The following PDE3B variants were observed in gnomAD, a reference collection of about 807,000 sequenced individuals.
PDE3B encodes phosphodiesterase 3B, also known as cGMP-inhibited 3',5'-cyclic phosphodiesterase 3B.
A neutral mutation model predicts 116.8 loss-of-function variants in PDE3B; 66 were observed. The ratio of observed to expected loss-of-function variants is 0.56; its 90% confidence interval spans 0.46 to 0.69. The LOEUF (loss-of-function observed/expected upper bound fraction) is 0.69, where lower values mean the gene tolerates loss of function less well. Among genes scored for constraint, PDE3B ranks in the 30% least tolerant of loss-of-function variants. The probability of loss-of-function intolerance (pLI) is 0.00; values close to 1 mark genes in which losing one functional copy is unlikely to be tolerated. For synonymous variants in PDE3B, 595 were observed against 533.6 expected (o/e 1.12, Z -1.59); for missense variants, 1,384 against 1,368.1 (o/e 1.01, Z -0.18).
At chr11:14,705,116 G>A (rs929312704) in intron 1 of PDE3B, among the ~76,000 whole-genome samples, 1 of 151,738 alleles carries the variant, frequency 6.6e-6, no homozygotes, top group Non-Finnish European at 1.5e-5. Flanking sequence ...TTGGAAAATA[G>A]TTTGGCAGTT....
At chr11:14,854,206 C>T (rs1847807184) in intron 12 of PDE3B, among the ~76,000 whole-genome samples, 1 of 152,204 alleles carries the variant, frequency 6.6e-6, no homozygotes, top group South Asian at 2.1e-4. Flanking sequence ...CCTGCTTGCT[C>T]TCCCTGTGCA....
rs142311254 is a variant in PDE3B, at chr11:14,867,628, T to C, written c.3009T>C (p.Tyr1003=). 11 of 1,613,990 alleles carry C rather than the reference T, an allele frequency of 6.8e-6. No individual in the cohort carries two copies. The highest frequency in any genetic ancestry group is 1.1e-5 in the South Asian group (1 of 91,088). The change falls in exon 15 of 16, where the codon TAT becomes TAC. Residue 1003 remains tyrosine (Y), a synonymous_variant. Transcript: ENST00000282096. ...THIVGPLCNS[Y]DAAGLLPGQW... ...TAGTGGGTCCCCTGTGTAACTCCTA[T>C]GATGCTGCTGGTTTGCTACCAGGTC...
At chr11:14,856,840 C>T (rs1188545547) in intron 12 of PDE3B, among the ~76,000 whole-genome samples, 20 of 144,196 alleles carry the variant, frequency 1.4e-4, no homozygotes, top group African/African-American at 5.2e-4. Context: ...GGCAACAGAA[C>T]GAGAGTCCAT....
chr11:14,737,607 T>TA (rs1233390174), intron 1 of PDE3B, among the ~76,000 whole-genome samples: 1 of 152,118 alleles, frequency 6.6e-6, no homozygotes, highest in African/African-American at 2.4e-5. Flanking sequence ...TTGCATAGCC[T>TA]AAAATTAACC....
intron 11 of PDE3B, among the ~76,000 whole-genome samples, 183 bp from the exon 12 acceptor site, chr11:14,843,644 T>A (rs1176170529): frequency 6.6e-6 from 1 of 152,190 alleles, no homozygotes; most frequent in Non-Finnish European, 1.5e-5. Context: ...TTTAACACTG[T>A]TCCTCTCTAC....
At position 14,862,107 on chromosome 11, in the gene PDE3B, G is replaced by C. The variant is rs139376175; in HGVS notation, c.2886+741G>C. Among the ~76,000 whole-genome samples, 921 of 152,284 alleles carry C rather than the reference G, an allele frequency of 6.0e-3. 10 individuals carry two copies. Among genetic ancestry groups the C allele is most frequent in the African/African-American group, 0.021 (870 of 41,572 alleles). Reference sequence around the variant, plus strand: ...GCTTGAGCCCACTCACCCACCTCCTGAGATCTTACCAGGAAGCTGCTGATC... The same window carrying C: ...GCTTGAGCCCACTCACCCACCTCCTCAGATCTTACCAGGAAGCTGCTGATC... On this transcript the variant is annotated intron_variant, in intron 14 of 15. Transcript: ENST00000282096.
chr11:14,803,189 AGGT>A (rs760446132), intron 4 of PDE3B, among the ~76,000 whole-genome samples: 17,447 of 152,196 alleles, frequency 0.11, 1,305 homozygotes, highest in African/African-American at 0.22. Flanking sequence ...TTAGTGACTG[AGGT>A]CCCAAAATCA....
Position 14,677,624 on chromosome 11 carries a change from A to T in PDE3B, c.978+32571A>T, listed in dbSNP as rs200025369. Among the ~76,000 whole-genome samples, 5 of 152,308 alleles carry T rather than the reference A, an allele frequency of 3.3e-5. No individual in the cohort carries two copies. In the East Asian group the frequency reaches 7.7e-4, roughly 24 times the overall value. On this transcript the variant is annotated intron_variant, in intron 1 of 15. Transcript: ENST00000282096. ...TGAGTATAGATTTTGTATATCCACT[A>T]CAACATTCAGGACATAGAGTTGTCC...
At chr11:14,864,676 GAAC>G (rs1400287890) in intron 14 of PDE3B, among the ~76,000 whole-genome samples, 1 of 152,112 alleles carries the variant, frequency 6.6e-6, no homozygotes, top group African/African-American at 2.4e-5. Context: ...CATGGAAACT[GAAC>G]AACTTGCTCC....
the PDE3B span, chr11:14,891,114 G>A: frequency 1.0e-6 from 1 of 985,440 alleles, no homozygotes; most frequent in South Asian, 4.7e-5. Flanking sequence ...CCCAGGACCC[G>A]TGGAAACTCC....
intron 1 of PDE3B, among the ~76,000 whole-genome samples, chr11:14,669,161 G>A (rs1854285574): frequency 6.6e-6 from 1 of 152,180 alleles, no homozygotes; most frequent in Admixed American, 6.5e-5. Flanking sequence ...GACTCAGAGA[G>A]TAGCTGTATA....
At chr11:14,875,261 C>T (rs1565174388), downstream of PDE3B, among the ~76,000 whole-genome samples, 1 of 152,076 alleles carries the variant, frequency 6.6e-6, no homozygotes, top group Non-Finnish European at 1.5e-5. Context: ...CCACCTGTGG[C>T]TTCGTCTATG....
At chr11:14,873,316 T>A (rs1314799543), downstream of PDE3B, among the ~76,000 whole-genome samples, 2 of 152,220 alleles carry the variant, frequency 1.3e-5, no homozygotes, top group African/African-American at 2.4e-5. Flanking sequence ...GAATCTAGAA[T>A]AAAAGCCAAT....
chr11:14,845,394 C>A (rs570872717), intron 12 of PDE3B, among the ~76,000 whole-genome samples: 1 of 152,262 alleles, frequency 6.6e-6, no homozygotes, highest in African/African-American at 2.4e-5. Context: ...GGGGAAAAAA[C>A]AGAGCAGAAA....
chr11:14,696,083 C>T (rs375639827), intron 1 of PDE3B, among the ~76,000 whole-genome samples: 1 of 152,150 alleles, frequency 6.6e-6, no homozygotes, highest in African/African-American at 2.4e-5. Context: ...GGAATTGCCA[C>T]GCTGTCTTCC....
chr11:14,817,181 G>A lies in PDE3B; in HGVS notation c.1523-1002G>A, dbSNP rs192051042. 1.4e-3 allele frequency among the ~76,000 whole-genome samples: 212 copies of A among 152,016 alleles called. 1 individual carries two copies. The highest frequency in any genetic ancestry group is 4.7e-3 in the African/African-American group (193 of 41,444). ...AAACCATCATTCTGAGCAAGCTATCGCAAGGACAGAAAACCAAACACCATA... is the reference window on the plus strand; with the variant it reads ...AAACCATCATTCTGAGCAAGCTATCACAAGGACAGAAAACCAAACACCATA... On this transcript the variant is annotated intron_variant, in intron 5 of 15. Coordinates refer to ENST00000282096, the MANE Select transcript of PDE3B (RefSeq NM_000922.4).
At chr11:14,783,963 G>T (rs1233195858) in intron 2 of PDE3B, among the ~76,000 whole-genome samples, 1 of 152,162 alleles carries the variant, frequency 6.6e-6, no homozygotes, top group Non-Finnish European at 1.5e-5. Flanking sequence ...TACCACCTGA[G>T]CTCTGCCTCT....
At chr11:14,662,400 CCT>C (rs753584592) in intron 1 of PDE3B, among the ~76,000 whole-genome samples, 1 of 152,282 alleles carries the variant, frequency 6.6e-6, no homozygotes, top group South Asian at 2.1e-4. Flanking sequence ...AAGCAGAACG[CCT>C]CTCCTCCTCC....
the PDE3B span, among the ~76,000 whole-genome samples, chr11:14,893,676 TCG>T: frequency 6.6e-6 from 1 of 152,202 alleles, no homozygotes; most frequent in Non-Finnish European, 1.5e-5. Flanking sequence ...CCTTCCAACA[TCG>T]CTGTCTCTCT....
Sources: gnomAD v4.1 joint callset for allele counts (sites outside exome capture counted in the v4.1 genomes callset) on GRCh38, gnomAD v4.1.1 for gene constraint, MANE v1.5 for transcripts, NCBI Gene and HGNC (gene_info 2026-07-23, HGNC 2026-07-21) for gene names.